The following TSPEAR variants were observed in gnomAD, a reference collection of about 807,000 sequenced individuals.
TSPEAR encodes thrombospondin type laminin G domain and EAR repeats.
Under a neutral mutation model 71.6 loss-of-function variants are expected in TSPEAR, and 69 were observed. The observed-to-expected ratio is 0.96, with a 90% confidence interval of 0.79 to 1.18. The LOEUF is 1.18. Ranked by LOEUF, TSPEAR falls within the 50% of genes most tolerant of loss-of-function variation. The pLI, the probability that TSPEAR is intolerant of heterozygous loss-of-function variation, is 0.00. For synonymous variants in TSPEAR, 402 were observed against 387.2 expected, an observed-to-expected ratio of 1.04 and a Z score of -0.45; for missense variants, 971 against 894.9, an observed-to-expected ratio of 1.09 and a Z score of -1.09.
At chr21:44,557,201 C>T (rs1243490389) in intron 2 of TSPEAR, among the ~76,000 whole-genome samples, 2 of 152,124 alleles carry the variant, frequency 1.3e-5, no homozygotes, top group Non-Finnish European at 1.5e-5. Context: ...GAGAGGGTTC[C>T]TCACATAAGG....
At chr21:44,568,683 C>T (rs2053740798) in intron 1 of TSPEAR, among the ~76,000 whole-genome samples, 1 of 152,142 alleles carries the variant, frequency 6.6e-6, no homozygotes, top group Non-Finnish European at 1.5e-5. Context: ...AGATCAGATC[C>T]CTGGCCCAGG....
intron 1 of TSPEAR, among the ~76,000 whole-genome samples, chr21:44,689,712 A>AATGAATGAATATATATATATATATAT (rs781858508): frequency 1.6e-5 from 1 of 62,038 alleles, no homozygotes; most frequent in Non-Finnish European, 2.8e-5. Context: ...GAATAGAATG[A>AATGAATGAATATATATATATATATAT]ATATATATAT....
rs912701465 is a variant in TSPEAR, at chr21:44,702,932, C to G, written c.82+8501G>C. On this transcript the variant is annotated intron_variant, in intron 1 of 11. Transcript: ENST00000323084. The stretch of plus-strand genomic sequence containing the variant: ...GTGTGCAAGCTGGCTGACCTCATAC[C>G]CTACAACCACGGCTTACCTATCCAC... 8 of 556,906 alleles carry G rather than the reference C, an allele frequency of 1.4e-5. No individual in the cohort carries two copies. In the East Asian group the frequency reaches 2.6e-4, roughly 18 times the overall value. 34.5% of individuals were successfully genotyped at this position (556,906 alleles called of 1,614,324 possible).
rs1260144616 is a variant in TSPEAR at position 44,558,424 on chromosome 21, C to A, written c.303+9361G>T. The A allele has an allele frequency of 1.9e-6, 3 of 1,613,760 alleles. No homozygotes were observed. The African/African-American group carries it at 4.0e-5, about 22-fold the overall frequency. Reference sequence around the variant, plus strand: ...TTGCAGCAGACAGGCACGCAGCAGGCCTGCTGGCAGGGGGAGGATGTGCAG... The same window carrying A: ...TTGCAGCAGACAGGCACGCAGCAGGACTGCTGGCAGGGGGAGGATGTGCAG... On this transcript the variant is annotated intron_variant, in intron 2 of 11. Coordinates refer to ENST00000323084, the MANE Select transcript of TSPEAR (RefSeq NM_144991.3).
At chr21:44,655,498 AAT>A (rs1242935568) in intron 1 of TSPEAR, among the ~76,000 whole-genome samples, 2 of 152,200 alleles carry the variant, frequency 1.3e-5, no homozygotes, top group Non-Finnish European at 2.9e-5. Flanking sequence ...GAGTAGCACT[AAT>A]GGCCACAGGA....
chr21:44,594,150 T>G (rs1176113261), intron 1 of TSPEAR, among the ~76,000 whole-genome samples: 2 of 152,144 alleles, frequency 1.3e-5, no homozygotes, highest in Non-Finnish European at 2.9e-5. Flanking sequence ...GCAGCTCCCT[T>G]GCAGATGTGA....
intron 1 of TSPEAR, among the ~76,000 whole-genome samples, chr21:44,578,581 T>A (rs462697): frequency 6.6e-6 from 1 of 152,172 alleles, no homozygotes; most frequent in Non-Finnish European, 1.5e-5. Context: ...GTGGCAGGGA[T>A]GCCCTTGGTG....
chr21:44,621,835 C>T (rs28410851), intron 1 of TSPEAR, among the ~76,000 whole-genome samples: 2,813 of 149,124 alleles, frequency 0.019, 62 homozygotes, highest in Admixed American at 0.055. Flanking sequence ...TGTGTGGATT[C>T]GGTGTCTTGA....
At chr21:44,702,341 C>G in intron 1 of TSPEAR, 5 of 1,559,786 alleles carry the variant, frequency 3.2e-6, no homozygotes, top group Non-Finnish European at 4.3e-6. Flanking sequence ...GTCTGCACCC[C>G]AGTGAGCTGT....
In TSPEAR at chr21:44,506,445, C is replaced by T. The variant is rs2052204649; in HGVS notation, c.1755-1564G>A. On this transcript the variant is annotated intron_variant, in intron 10 of 11. Transcript: ENST00000323084. The surrounding 1 kb of genome is among the most constrained non-coding windows in gnomAD (Gnocchi z 4.2). ...GCAGCAGAGGGGCCTCATCCCGGTG[C>T]TTCCCTGCAGGCAGTTGTGGGGCCG... 6.6e-6 allele frequency among the ~76,000 whole-genome samples: 1 copy of T among 152,284 alleles called. No homozygotes were observed. Among genetic ancestry groups the T allele is most frequent in the Non-Finnish European group, 1.5e-5 (1 of 68,054 alleles).
At chr21:44,605,742 T>C (rs587740477) in intron 1 of TSPEAR, among the ~76,000 whole-genome samples, 1 of 152,296 alleles carries the variant, frequency 6.6e-6, no homozygotes, top group Admixed American at 6.5e-5. Flanking sequence ...GAAAACTCAA[T>C]ATCCATGTGC....
intron 1 of TSPEAR, among the ~76,000 whole-genome samples, chr21:44,625,948 G>C (rs1982747415): frequency 6.6e-6 from 1 of 152,164 alleles, no homozygotes. Context: ...CTTACAACCT[G>C]GGCAGCACTG....
At chr21:44,666,515 C>T (rs782452534) in intron 1 of TSPEAR, 7 of 1,612,950 alleles carry the variant, frequency 4.3e-6, no homozygotes, top group Non-Finnish European at 5.9e-6. Context: ...GCTGGCAGCA[C>T]CCAGAGGACT....
At chr21:44,667,290 T>C (rs1985837714) in intron 1 of TSPEAR, among the ~76,000 whole-genome samples, 1 of 152,170 alleles carries the variant, frequency 6.6e-6, no homozygotes, top group South Asian at 2.1e-4. Flanking sequence ...ACTCCTCTCA[T>C]GGCTCAGGAA....
At chr21:44,572,327 T>C (rs1330509232) in intron 1 of TSPEAR, among the ~76,000 whole-genome samples, 1 of 152,134 alleles carries the variant, frequency 6.6e-6, no homozygotes, top group Non-Finnish European at 1.5e-5. Context: ...CTAAAGACCG[T>C]CCTGGCTGAG....
At chr21:44,611,725 T>C (rs587614687) in intron 1 of TSPEAR, among the ~76,000 whole-genome samples, 2 of 152,184 alleles carry the variant, frequency 1.3e-5, no homozygotes, top group East Asian at 3.9e-4. Context: ...AATACCCCAA[T>C]AGCAAAGACA....
intron 2 of TSPEAR, among the ~76,000 whole-genome samples, chr21:44,538,482 C>T (rs1555916635): frequency 6.6e-6 from 1 of 151,658 alleles, no homozygotes. Flanking sequence ...AATCCTGTGC[C>T]TCCATCCGCC....
At chr21:44,651,149 A>G (rs1038904417) in intron 1 of TSPEAR, among the ~76,000 whole-genome samples, 1 of 152,188 alleles carries the variant, frequency 6.6e-6, no homozygotes, top group Non-Finnish European at 1.5e-5. Flanking sequence ...CACAATGGAC[A>G]GGCCACGAGC....
intron 2 of TSPEAR, among the ~76,000 whole-genome samples, chr21:44,552,978 G>T (rs986737965): frequency 6.6e-6 from 1 of 152,318 alleles, no homozygotes; most frequent in Admixed American, 6.5e-5. Context: ...CCGAGGCAGC[G>T]GCGTTCCCTA....
Sources: gnomAD v4.1 joint callset for allele counts (sites outside exome capture counted in the v4.1 genomes callset) on GRCh38, gnomAD v4.1.1 for gene constraint, Gnocchi (gnomAD v3.1) non-coding constraint, MANE v1.5 for transcripts, NCBI Gene and HGNC (gene_info 2026-07-23, HGNC 2026-07-21) for gene names.